PCDHGB4: variants seen among roughly 807,000 people sequenced by gnomAD.
PCDHGB4 encodes protocadherin gamma subfamily B, 4, also known as protocadherin gamma-B4.
PCDHGB4 carries 38 observed loss-of-function variants against 60.5 expected under a neutral mutation model. That is an observed-to-expected ratio of 0.63 (90% CI 0.48 to 0.82). The LOEUF (loss-of-function observed/expected upper bound fraction) is 0.82, where lower values mean the gene tolerates loss of function less well. PCDHGB4 is among the 40% of genes least tolerant of loss of function. PCDHGB4 has a pLI of 0.00. For missense variants in PCDHGB4, 1,109 were observed against 1,209.6 expected, an observed-to-expected ratio of 0.92 and a Z score of 1.23; for synonymous variants, 456 against 509.7, an observed-to-expected ratio of 0.89 and a Z score of 1.42.
At chr5:141,446,295 G>A (rs146503397) in intron 1 of PCDHGB4, among the ~76,000 whole-genome samples, 1 of 152,196 alleles carries the variant, frequency 6.6e-6, no homozygotes, top group Non-Finnish European at 1.5e-5. Flanking sequence ...TGGGGAGCAG[G>A]GATTAAGAGT....
In PCDHGB4 at chr5:141,491,163, C is replaced by T; in HGVS notation, c.2398-3644C>T. On this transcript the variant is annotated intron_variant, in intron 1 of 3. Transcript: ENST00000519479. The surrounding 1 kb of genome is among the most constrained non-coding windows in gnomAD (Gnocchi z 6.9). ...CCTTACTGGAGGATGACTCTGACAC[C>T]CAGCAGGTGGTGGTCCTGGTGAGGG... is the stretch of plus-strand genomic sequence containing the variant. 1 of 1,614,092 alleles carries T rather than the reference C, an allele frequency of 6.2e-7. No homozygotes were observed. Among genetic ancestry groups the T allele is most frequent in the Non-Finnish European group, 8.5e-7 (1 of 1,179,950 alleles).
intron 1 of PCDHGB4, chr5:141,393,184 T>C: frequency 6.2e-7 from 1 of 1,613,344 alleles, no homozygotes; most frequent in Non-Finnish European, 8.5e-7. Context: ...ATAGAAATAA[T>C]TGATATTAAC....
chr5:141,473,377 C>T (rs2099320819), intron 1 of PCDHGB4, among the ~76,000 whole-genome samples: 1 of 152,202 alleles, frequency 6.6e-6, no homozygotes, highest in Admixed American at 6.5e-5. Flanking sequence ...TAGCATGGTC[C>T]CTGCCCTCCT....
chr5:141,494,400 C>A (rs2099754045), intron 1 of PCDHGB4, among the ~76,000 whole-genome samples: 1 of 152,158 alleles, frequency 6.6e-6, no homozygotes, highest in African/African-American at 2.4e-5. Flanking sequence ...TAAATTCATT[C>A]TAGGGCTGGT....
intron 1 of PCDHGB4, among the ~76,000 whole-genome samples, chr5:141,448,985 A>G (rs2098621528): frequency 6.6e-6 from 1 of 152,026 alleles, no homozygotes; most frequent in South Asian, 2.1e-4. Context: ...TTCCATATTA[A>G]TATATAGAAA....
At chr5:141,448,782 T>C (rs2098606045) in intron 1 of PCDHGB4, among the ~76,000 whole-genome samples, 1 of 148,758 alleles carries the variant, frequency 6.7e-6, no homozygotes, top group Non-Finnish European at 1.5e-5. Flanking sequence ...GTACTAAAAA[T>C]ACAAAAAAAA....
rs753872678 is a variant in PCDHGB4, at chr5:141,431,407, C to G, written c.2397+41126C>G. 4 of 1,613,716 alleles carry G rather than the reference C, an allele frequency of 2.5e-6. No individual in the cohort carries two copies. Among genetic ancestry groups the G allele is most frequent in the Non-Finnish European group, 3.4e-6 (4 of 1,180,048 alleles). The stretch of plus-strand genomic sequence containing the variant: ...ACCACCTGGTCCTTACGGCCTCCGA[C>G]GGGGGCGACCCGGTGCGCACAGGCA... On this transcript the variant is annotated intron_variant, in intron 1 of 3. Coordinates refer to ENST00000519479, the MANE Select transcript of PCDHGB4 (RefSeq NM_003736.4). This position sits in a 1 kb window ranked among gnomAD's most constrained non-coding sequence, Gnocchi z 4.8.
chr5:141,477,752 G>C lies in PCDHGB4; in HGVS notation c.2398-17055G>C. On this transcript the variant is annotated intron_variant, in intron 1 of 3. Coordinates refer to ENST00000519479, the MANE Select transcript of PCDHGB4 (RefSeq NM_003736.4). This position sits in a 1 kb window ranked among gnomAD's most constrained non-coding sequence, Gnocchi z 4.9. ...TCATATCAGCGATGGGGGCACCCCG[G>C]TCCTAGCCACCAACATCAGCGTGAA... The C allele has an allele frequency of 6.2e-7, 1 of 1,613,868 alleles. No homozygotes were observed.
At chr5:141,427,840 A>C (rs779622800) in intron 1 of PCDHGB4, 8 of 1,548,180 alleles carry the variant, frequency 5.2e-6, no homozygotes, top group Admixed American at 3.3e-5. Flanking sequence ...CGTGCCTTCG[A>C]CCACGAGCAG....
chr5:141,486,170 C>T lies in PCDHGB4; in HGVS notation c.2398-8637C>T, dbSNP rs759946548. The stretch of plus-strand genomic sequence containing the variant: ...TGGGGGTTCTCCAGCCATGGAGCAA[C>T]ATTGCAGCCTTCGAGTGGATCTGCT... On this transcript the variant is annotated intron_variant, in intron 1 of 3. Coordinates refer to ENST00000519479, the MANE Select transcript of PCDHGB4 (RefSeq NM_003736.4). This position sits in a 1 kb window ranked among gnomAD's most constrained non-coding sequence, Gnocchi z 5.0. The T allele has an allele frequency of 1.5e-5, 24 of 1,614,116 alleles. No individual in the cohort carries two copies. Among genetic ancestry groups the T allele is most frequent in the South Asian group, 4.4e-5 (4 of 91,090 alleles).
rs2099745664 is a variant in PCDHGB4 at position 141,493,015 on chromosome 5, T to A, written c.2398-1792T>A. Among the ~76,000 whole-genome samples, 1 of 152,238 alleles carries A rather than the reference T, an allele frequency of 6.6e-6. No homozygotes were observed. The highest frequency in any genetic ancestry group is 1.5e-5 in the Non-Finnish European group (1 of 68,040). ...ATGGAAAGCTATAGGCTCTGCCAGA[T>A]GCCAGGGTGCCCTTATGTGTGAGGA... On this transcript the variant is annotated intron_variant, in intron 1 of 3. Transcript: ENST00000519479. The surrounding 1 kb of genome is among the most constrained non-coding windows in gnomAD (Gnocchi z 4.3).
At chr5:141,399,805 T>C (rs776266997) in intron 1 of PCDHGB4, 26 of 1,613,074 alleles carry the variant, frequency 1.6e-5, no homozygotes, top group Non-Finnish European at 8.5e-7. Flanking sequence ...GCGGGTGCTG[T>C]ACCCCGCGCT....
chr5:141,403,950 T>C (rs771679747), intron 1 of PCDHGB4: 13 of 1,613,706 alleles, frequency 8.1e-6, no homozygotes, highest in Non-Finnish European at 1.1e-5. Context: ...TGGACAAAAG[T>C]GCTCATTTCG....
chr5:141,473,147 T>A (rs2099315103), intron 1 of PCDHGB4, among the ~76,000 whole-genome samples: 1 of 152,222 alleles, frequency 6.6e-6, no homozygotes, highest in Admixed American at 6.5e-5. Flanking sequence ...TCTCTTCAGA[T>A]CACTAGGGCT....
intron 1 of PCDHGB4, chr5:141,418,622 G>C: frequency 6.2e-7 from 1 of 1,614,026 alleles, no homozygotes; most frequent in Non-Finnish European, 8.5e-7. Context: ...TCGGGAAGAC[G>C]TGCCTCCAGG....
chr5:141,494,556 T>C (rs909822734), intron 1 of PCDHGB4, among the ~76,000 whole-genome samples: 18 of 152,120 alleles, frequency 1.2e-4, no homozygotes, highest in African/African-American at 4.3e-4. Context: ...GCCATTTCTT[T>C]AGGAAAGGAG....
intron 1 of PCDHGB4, chr5:141,398,765 C>T (rs2093700875): frequency 6.2e-7 from 1 of 1,613,944 alleles, no homozygotes. Flanking sequence ...TTAGTCCTGA[C>T]TGCCTTGGAC....
chr5:141,450,937 A>G (rs1011608521), intron 1 of PCDHGB4, among the ~76,000 whole-genome samples: 1 of 148,134 alleles, frequency 6.8e-6, no homozygotes, highest in African/African-American at 2.5e-5. Flanking sequence ...CAATTCTCCT[A>G]CCTCAGCCTC....
rs140184617 is a variant in PCDHGB4, at chr5:141,405,523, G to A, written c.2397+15242G>A. ...CAACCTCCGCCTCCCAAATTCAAGC[G>A]ATTCTCCTGCCTCAGCCTCCCAAGT... is the stretch of plus-strand genomic sequence containing the variant. On this transcript the variant is annotated intron_variant, in intron 1 of 3. Transcript: ENST00000519479. 5.4e-4 allele frequency: 366 copies of A among 679,318 alleles called. 4 individuals carry two copies. In the East Asian group the frequency reaches 9.7e-3, roughly 18 times the overall value. The allele number at this position is 679,318 out of a possible 1,614,324, so 42.1% of individuals were successfully genotyped here.
Sources: gnomAD v4.1 joint callset for allele counts (sites outside exome capture counted in the v4.1 genomes callset) on GRCh38, gnomAD v4.1.1 for gene constraint, Gnocchi (gnomAD v3.1) non-coding constraint, MANE v1.5 for transcripts, NCBI Gene and HGNC (gene_info 2026-07-23, HGNC 2026-07-21) for gene names.